Variants in ITGB3BP observed in about 807,000 individuals in gnomAD.
The protein encoded by ITGB3BP is integrin subunit beta 3 binding protein, also known as centromere protein R.
Under a neutral mutation model 29.1 loss-of-function variants are expected in ITGB3BP, and 27 were observed. That is an observed-to-expected ratio of 0.93 (90% confidence interval 0.68 to 1.28). ITGB3BP has a LOEUF of 1.28. Ranked by LOEUF, ITGB3BP falls within the 50% of genes most tolerant of loss-of-function variation. ITGB3BP has a pLI of 0.00. For missense variants in ITGB3BP, 192 were observed against 200.2 expected (o/e 0.96, Z 0.25); for synonymous variants, 61 against 61.4 (o/e 0.99, Z 0.03).
At chr1:63,474,111 C>G in intron 4 of ITGB3BP, among the ~76,000 whole-genome samples, 1 of 99,534 alleles carries the variant, frequency 1.0e-5, no homozygotes, top group African/African-American at 3.6e-5. Context: ...GAGGACCCCT[C>G]TGCCCGGCCA....
chr1:63,520,017 T>A (rs1646413650), intron 1 of ITGB3BP, among the ~76,000 whole-genome samples: 1 of 152,144 alleles, frequency 6.6e-6, no homozygotes, highest in African/African-American at 2.4e-5. Flanking sequence ...GTAGAGAGTA[T>A]CTTTGGCTGA....
intron 2 of ITGB3BP, among the ~76,000 whole-genome samples, chr1:63,507,087 C>T (rs1646097739): frequency 1.3e-5 from 2 of 152,144 alleles, no homozygotes; most frequent in African/African-American, 2.4e-5. Flanking sequence ...AAATACAGAG[C>T]TTCAAACAAA....
At chr1:63,460,028 T>C (rs191272378) in intron 4 of ITGB3BP, among the ~76,000 whole-genome samples, 70 of 150,360 alleles carry the variant, frequency 4.7e-4, no homozygotes, top group African/African-American at 1.3e-3. Flanking sequence ...AAAAAAAAAA[T>C]TCCCCCCCGT....
intron 3 of ITGB3BP, among the ~76,000 whole-genome samples, chr1:63,485,572 A>C (rs11808230): frequency 2.0e-5 from 3 of 151,860 alleles, no homozygotes; most frequent in Non-Finnish European, 4.4e-5. Context: ...TCACTTTTTC[A>C]TCATTGCTTT....
At position 63,472,741 on chromosome 1, in the gene ITGB3BP, C is replaced by G. The variant is rs532611713; in HGVS notation, c.254+6023G>C. On this transcript the variant is annotated intron_variant, in intron 4 of 8. Transcript: ENST00000271002. ...ATCCGCCAGCCTCGGCCTCCCGAGG[C>G]GCCGGGATTGCAGACAGAGTCTCGT... 4.0e-4 allele frequency among the ~76,000 whole-genome samples: 61 copies of G among 151,446 alleles called. No individual in the cohort carries two copies. The East Asian group carries it at 0.011, about 27-fold the overall frequency.
chr1:63,497,860 G>A (rs1645828777), intron 2 of ITGB3BP, among the ~76,000 whole-genome samples: 1 of 152,004 alleles, frequency 6.6e-6, no homozygotes, highest in African/African-American at 2.4e-5. Flanking sequence ...TTTATTTGAT[G>A]GTCAATTTGC....
chr1:63,445,914 T>G (rs1241386419), intron 8 of ITGB3BP, among the ~76,000 whole-genome samples: 3 of 151,952 alleles, frequency 2.0e-5, no homozygotes, highest in Non-Finnish European at 4.4e-5. Context: ...TTGTTGTTGT[T>G]TTTTCCTGAG....
chr1:63,454,391 G>A lies in ITGB3BP; in HGVS notation c.416C>T (p.Thr139Ile). The A allele has an allele frequency of 6.4e-7, 1 of 1,572,414 alleles. No individual in the cohort carries two copies. The highest frequency in any genetic ancestry group is 8.7e-7 in the Non-Finnish European group (1 of 1,147,176). The change falls in exon 6 of 9, where the codon ACC becomes ATC. Residue 139 changes from threonine to isoleucine, a missense_variant. Transcript: ENST00000271002. The surrounding 1 kb of genome is among the most constrained non-coding windows in gnomAD (Gnocchi z 4.1). ...TCAAAAATTCTTACTTAGTTCTTTG[G>A]TTTTCTGCATTTCTCTTTTTAAGAA... The part of the protein sequence containing the change: ...SHFLKREMQK[T>I]KELMTKVNKQ...
intron 2 of ITGB3BP, among the ~76,000 whole-genome samples, chr1:63,503,382 T>C (rs1645989160): frequency 6.6e-6 from 1 of 151,922 alleles, no homozygotes; most frequent in African/African-American, 2.4e-5. Flanking sequence ...TGTAAATTTG[T>C]TTGAGTTCAT....
At chr1:63,515,825 TAAAAAAA>T (rs76881362) in intron 1 of ITGB3BP, among the ~76,000 whole-genome samples, 3 of 48,594 alleles carry the variant, frequency 6.2e-5, no homozygotes, top group African/African-American at 1.7e-4. Context: ...GACTCCAACT[TAAAAAAA>T]AAAAAAAAAA....
At chr1:63,514,545 T>G (rs916336706) in intron 1 of ITGB3BP, among the ~76,000 whole-genome samples, 2 of 152,218 alleles carry the variant, frequency 1.3e-5, no homozygotes, top group African/African-American at 2.4e-5. Flanking sequence ...TTTAATAACA[T>G]TTTTGTCTTT....
Position 63,479,309 on chromosome 1 carries a change from G to T in ITGB3BP, c.185-476C>A, listed in dbSNP as rs146447993. Among the ~76,000 whole-genome samples, 301 of 151,830 alleles carry T rather than the reference G, an allele frequency of 2.0e-3. 4 individuals are homozygous for T. In the South Asian group the frequency reaches 0.022, roughly 11 times the overall value. ...ATTGTAAAATAAATTTGATTTTAGG[G>T]GTAAAAGTACCTTTTAATTTTATTT... is the stretch of plus-strand genomic sequence containing the variant. On this transcript the variant is annotated intron_variant, in intron 3 of 8. Transcript: ENST00000271002.
At chr1:63,520,978 A>G (rs1434815527) in intron 1 of ITGB3BP, among the ~76,000 whole-genome samples, 2 of 152,160 alleles carry the variant, frequency 1.3e-5, no homozygotes, top group Non-Finnish European at 2.9e-5. Flanking sequence ...CTCTATTGTC[A>G]CTGAACATTT....
At chr1:63,457,617 G>A (rs541999402) in intron 4 of ITGB3BP, 2 of 152,216 alleles carry the variant, frequency 1.3e-5, no homozygotes, top group East Asian at 1.9e-4. Flanking sequence ...CAAAGTTATT[G>A]TGGCTCTTTC....
chr1:63,504,935 G>A (rs1426989741), intron 2 of ITGB3BP, among the ~76,000 whole-genome samples: 2 of 152,056 alleles, frequency 1.3e-5, no homozygotes, highest in Non-Finnish European at 1.5e-5. Context: ...GAGGATTTTT[G>A]CATCGATGTT....
chr1:63,503,611 G>A (rs1557648225), intron 2 of ITGB3BP, among the ~76,000 whole-genome samples: 3 of 152,148 alleles, frequency 2.0e-5, no homozygotes, highest in African/African-American at 7.2e-5. Context: ...GAATGGTATT[G>A]CCTAGGTTTT....
intron 4 of ITGB3BP, among the ~76,000 whole-genome samples, chr1:63,469,251 T>TA: frequency 6.6e-6 from 1 of 152,198 alleles, no homozygotes; most frequent in Non-Finnish European, 1.5e-5. Flanking sequence ...CATGTTTACT[T>TA]ACTATGCTTT....
intron 2 of ITGB3BP, among the ~76,000 whole-genome samples, chr1:63,504,012 A>AT (rs1435065817): frequency 3.3e-5 from 5 of 151,796 alleles, no homozygotes; most frequent in African/African-American, 1.2e-4. Flanking sequence ...TTTTGGTTCC[A>AT]TATGAACTTT....
chr1:63,453,997 G>A (rs548683883), intron 6 of ITGB3BP, 23 bp from the exon 7 acceptor site: 33 of 1,418,628 alleles, frequency 2.3e-5, no homozygotes, highest in Admixed American at 1.1e-4. Flanking sequence ...AAAATCCCAT[G>A]TCAAGAATTA....
Sources: allele counts gnomAD v4.1 joint callset (sites outside exome capture counted in the v4.1 genomes callset), GRCh38; gene constraint gnomAD v4.1.1; non-coding constraint Gnocchi (gnomAD v3.1); transcripts MANE v1.5; gene names NCBI Gene and HGNC (gene_info 2026-07-23, HGNC 2026-07-21).